The following VIRMA variants were observed in gnomAD, a reference collection of about 807,000 sequenced individuals.
The protein encoded by VIRMA is vir like m6A methyltransferase associated.
VIRMA carries 65 observed loss-of-function variants against 182.4 expected under a neutral mutation model. The observed-to-expected ratio is 0.36, with a 90% confidence interval of 0.29 to 0.44. The LOEUF (loss-of-function observed/expected upper bound fraction) is 0.44, where lower values mean the gene tolerates loss of function less well. Ranked by LOEUF, VIRMA falls within the 20% of genes least tolerant of loss-of-function variation. The pLI is 1.00. For synonymous variants in VIRMA, 709 were observed against 743.1 expected, an observed-to-expected ratio of 0.95 and a Z score of 0.75; for missense variants, 1,752 against 2,158.1, an observed-to-expected ratio of 0.81 and a Z score of 3.73.
intron 1 of VIRMA, among the ~76,000 whole-genome samples, chr8:94,552,001 A>G (rs115851324): frequency 0.029 from 4,396 of 152,322 alleles, 217 homozygotes; most frequent in African/African-American, 0.1. Flanking sequence ...GATTACAGGC[A>G]TGAGCCACTG....
At chr8:94,543,428 G>GTAATAA (rs996002669) in intron 2 of VIRMA, among the ~76,000 whole-genome samples, 1 of 127,688 alleles carries the variant, frequency 7.8e-6, no homozygotes, top group Non-Finnish European at 1.7e-5. Flanking sequence ...AAAAAAAGGA[G>GTAATAA]TAATAATAAT....
intron 8 of VIRMA, among the ~76,000 whole-genome samples, chr8:94,525,665 TAAGA>T (rs1215541185): frequency 1.3e-5 from 2 of 152,106 alleles, no homozygotes; most frequent in Non-Finnish European, 2.9e-5. Context: ...AGGCAAATGG[TAAGA>T]AAGAAAGTCT....
At chr8:94,514,657 A>G (rs1180480418) in intron 11 of VIRMA, among the ~76,000 whole-genome samples, 3 of 152,262 alleles carry the variant, frequency 2.0e-5, no homozygotes, top group African/African-American at 7.2e-5. Context: ...AAAGTAGTAC[A>G]GTACACAGGG....
chr8:94,517,314 T>C lies in VIRMA; in HGVS notation c.2668+474A>G, dbSNP rs149237477. ...ACCTCCCAGGTTCAAGCAATTCTCT[T>C]GCCTCAGCCTCCCGAGTAGCTGGAA... is the stretch of plus-strand genomic sequence containing the variant. On this transcript the variant is annotated intron_variant, in intron 10 of 23. Transcript: ENST00000297591. 3.9e-3 allele frequency among the ~76,000 whole-genome samples: 592 copies of C among 152,334 alleles called. 4 individuals carry two copies. Among genetic ancestry groups the C allele is most frequent in the East Asian group, 0.023 (121 of 5,188 alleles).
chr8:94,493,862 A>T (rs972816421), intron 20 of VIRMA, among the ~76,000 whole-genome samples: 3 of 152,214 alleles, frequency 2.0e-5, no homozygotes, highest in African/African-American at 7.2e-5. Flanking sequence ...GCCTTACCAC[A>T]TCTCTGAGAA....
intron 17 of VIRMA, chr8:94,498,500 C>G (rs917336893): frequency 6.6e-6 from 1 of 152,118 alleles, no homozygotes; most frequent in Non-Finnish European, 1.5e-5. Context: ...TTTGAGACAG[C>G]GTCTTGCTCT....
In VIRMA at chr8:94,526,529, T is replaced by G; in HGVS notation, c.1715A>C (p.His572Pro). 1.2e-6 allele frequency: 2 copies of G among 1,612,940 alleles called. No individual in the cohort carries two copies. Among genetic ancestry groups the G allele is most frequent in the Non-Finnish European group, 1.7e-6 (2 of 1,179,748 alleles). The change falls in exon 8 of 24, where the codon CAT becomes CCT. Residue 572 changes from histidine (H) to proline (P), a missense_variant. Around this residue, in one of 11 missense-constraint regions of VIRMA, gnomAD observed 401 missense variants for 455.1 expected, o/e 0.88. Coordinates refer to ENST00000297591, the MANE Select transcript of VIRMA (RefSeq NM_015496.5). ...AAGAGATGAAGTCTTCTCTGCTAAA[T>G]GGTCACCAAGTCTTTTAATCTCTGA... is the stretch of plus-strand genomic sequence containing the variant. ...VLSEIKRLGD[H>P]LAEKTSSLPN... is the part of the protein sequence containing the mutation.
intron 16 of VIRMA, among the ~76,000 whole-genome samples, chr8:94,501,163 G>T (rs1813970448): frequency 2.0e-5 from 3 of 149,732 alleles, no homozygotes; most frequent in Admixed American, 1.3e-4. Flanking sequence ...GGCTGAGGCA[G>T]GAGAATCACT....
At position 94,515,091 on chromosome 8, in the gene VIRMA, T is replaced by A. The variant is rs541964390; in HGVS notation, c.2669-140A>T. The A allele has an allele frequency of 3.9e-5, 17 of 435,644 alleles. No individual in the cohort carries two copies. In the Admixed American group the frequency reaches 4.9e-4, roughly 13 times the overall value. The allele number at this position is 435,644 out of a possible 1,614,324, so 27.0% of individuals were successfully genotyped here. On this transcript the variant is annotated intron_variant, in intron 10 of 23. Coordinates refer to ENST00000297591, the MANE Select transcript of VIRMA (RefSeq NM_015496.5). ...AACTTCATGCAGGGATGGACATGCA[T>A]CTAATTCTTTTTTTTTTTTTTGAGA...
At chr8:94,514,474 A>G (rs1249054396) in intron 11 of VIRMA, among the ~76,000 whole-genome samples, 3 of 152,222 alleles carry the variant, frequency 2.0e-5, no homozygotes, top group Admixed American at 6.5e-5. Context: ...AATGGGCCCT[A>G]TCAATTTTCA....
chr8:94,526,059 A>G (rs1814949879), intron 8 of VIRMA, among the ~76,000 whole-genome samples, 164 bp downstream of exon 8: 1 of 152,258 alleles, frequency 6.6e-6, no homozygotes, highest in Non-Finnish European at 1.5e-5. Context: ...GCTCACCCAC[A>G]GTAACATACT....
chr8:94,543,100 G>T (rs1349189220), intron 2 of VIRMA, among the ~76,000 whole-genome samples: 3 of 151,928 alleles, frequency 2.0e-5, no homozygotes, highest in African/African-American at 7.2e-5. Flanking sequence ...TAGAGACGGG[G>T]TTTCTCCCTG....
At chr8:94,533,165 G>T (rs747494289) in intron 5 of VIRMA, among the ~76,000 whole-genome samples, 1 of 148,366 alleles carries the variant, frequency 6.7e-6, no homozygotes, top group Non-Finnish European at 1.5e-5. Flanking sequence ...CTCACGGTTT[G>T]GTTAAAAAAA....
intron 2 of VIRMA, among the ~76,000 whole-genome samples, chr8:94,540,708 C>T (rs1183138883): frequency 2.6e-5 from 4 of 152,144 alleles, no homozygotes; most frequent in East Asian, 1.9e-4. Flanking sequence ...CTGATCCACC[C>T]GCCTCAGCCT....
At chr8:94,501,385 A>G (rs1319418403) in intron 16 of VIRMA, among the ~76,000 whole-genome samples, 1 of 150,332 alleles carries the variant, frequency 6.7e-6, no homozygotes, top group Non-Finnish European at 1.5e-5. Context: ...CAGGGAAGAA[A>G]TAAGCTGACA....
chr8:94,516,948 C>A (rs1041636957), intron 10 of VIRMA, among the ~76,000 whole-genome samples: 1 of 152,056 alleles, frequency 6.6e-6, no homozygotes, highest in African/African-American at 2.4e-5. Flanking sequence ...AAACGAGGAA[C>A]CAAAATAAAA....
At chr8:94,520,744 G>A (rs1249446794) in intron 8 of VIRMA, among the ~76,000 whole-genome samples, 1 of 152,130 alleles carries the variant, frequency 6.6e-6, no homozygotes, top group Non-Finnish European at 1.5e-5. Context: ...GAATCCAAGG[G>A]AGGTCTGAGA....
chr8:94,490,576 T>G (rs1310111540), intron 22 of VIRMA, among the ~76,000 whole-genome samples: 1 of 152,202 alleles, frequency 6.6e-6, no homozygotes, highest in Non-Finnish European at 1.5e-5. Flanking sequence ...CCAGGTGCAG[T>G]GGCTCACGCC....
chr8:94,538,399 A>C (rs1815417152), intron 2 of VIRMA, 53 bp from the exon 3 acceptor site: 5 of 1,047,948 alleles, frequency 4.8e-6, no homozygotes, highest in Non-Finnish European at 4.5e-6. Context: ...CACTTCCTAA[A>C]TTAAAACAAA....
Sources: gnomAD v4.1 joint callset for allele counts (sites outside exome capture counted in the v4.1 genomes callset) on GRCh38, gnomAD v4.1.1 for gene constraint, gnomAD v4.1.1 regional missense constraint, MANE v1.5 for transcripts, NCBI Gene and HGNC (gene_info 2026-07-23, HGNC 2026-07-21) for gene names.